The following NDP variants were observed in gnomAD, a reference collection of about 807,000 sequenced individuals.
The protein encoded by NDP is norrin.
In NDP, 2 loss-of-function variants were observed where a neutral mutation model predicts 8.4. That is an observed-to-expected ratio of 0.24 (90% confidence interval 0.10 to 0.75). NDP has a LOEUF of 0.75. Ranked by LOEUF, NDP falls within the 30% of genes least tolerant of loss-of-function variation. The pLI is 0.73. For missense variants in NDP, 81 were observed against 110.1 expected, an observed-to-expected ratio of 0.74 and a Z score of 1.18; for synonymous variants, 55 against 45.6, an observed-to-expected ratio of 1.21 and a Z score of -0.83.
chrX:43,950,440 G>A (rs1278714116), intron 2 of NDP, among the ~76,000 whole-genome samples: 1 of 59,365 alleles, frequency 1.7e-5, no homozygotes, highest in African/African-American at 6.6e-5. Context: ...AAACCAAGAA[G>A]TAAATTAAAA....
intron 1 of NDP, among the ~76,000 whole-genome samples, chrX:43,970,818 T>A (rs1307014461): frequency 8.9e-6 from 1 of 111,763 alleles, no homozygotes; most frequent in Non-Finnish European, 1.9e-5. Context: ...CCATCCCCAA[T>A]AGAGACAGCA....
At chrX:43,966,945 T>C (rs1441477585) in intron 1 of NDP, among the ~76,000 whole-genome samples, 1 of 111,907 alleles carries the variant, frequency 8.9e-6, no homozygotes, top group African/African-American at 3.3e-5. Flanking sequence ...CCCATTCAAT[T>C]TGCCTTTTCT....
intron 2 of NDP, among the ~76,000 whole-genome samples, chrX:43,957,214 C>T (rs17146752): frequency 0.017 from 1,882 of 111,400 alleles, 39 homozygotes; most frequent in African/African-American, 0.059. Context: ...TACATGGGCC[C>T]ACAATTTCTG....
intron 1 of NDP, among the ~76,000 whole-genome samples, chrX:43,971,694 A>T (rs1470102766): frequency 2.7e-5 from 3 of 112,134 alleles, no homozygotes; most frequent in Non-Finnish European, 5.6e-5. Flanking sequence ...AGTTTTTTTA[A>T]AAAAAAATTA....
chrX:43,953,998 A>T (rs747858568), intron 2 of NDP, among the ~76,000 whole-genome samples: 1 of 112,707 alleles, frequency 8.9e-6, no homozygotes, highest in East Asian at 2.8e-4. Flanking sequence ...TTGACTGACC[A>T]GATGTCACCA....
At chrX:43,956,489 TAA>T (rs1309900424) in intron 2 of NDP, among the ~76,000 whole-genome samples, 9 of 111,130 alleles carry the variant, frequency 8.1e-5, no homozygotes, top group Non-Finnish European at 1.7e-4. Flanking sequence ...ACAATTTCAT[TAA>T]GTGAGACCCA....
At chrX:43,952,064 A>G (rs1275824616) in intron 2 of NDP, among the ~76,000 whole-genome samples, 2 of 112,052 alleles carry the variant, frequency 1.8e-5, no homozygotes, top group African/African-American at 6.5e-5. Context: ...TGATCATAGC[A>G]CACTACAGCC....
At chrX:43,951,264 A>G (rs1422222071) in intron 2 of NDP, among the ~76,000 whole-genome samples, 1 of 109,108 alleles carries the variant, frequency 9.2e-6, no homozygotes, top group African/African-American at 3.4e-5. Flanking sequence ...AAAAATAAAA[A>G]GTTAACCAGG....
rs104894874 is a variant in NDP at position 43,958,521 on chromosome X, T to C, written c.125A>G (p.His42Arg). The change falls in exon 2 of 3, where the codon CAC becomes CGC. Residue 42 changes from histidine to arginine, a missense_variant. Physicochemically the swap from His to Arg is conservative, Grantham distance 29 (BLOSUM62 0). Coordinates refer to ENST00000642620, the MANE Select transcript of NDP (RefSeq NM_000266.4). ...MDSDPRRCMR[H>R]HYVDSISHPL... The stretch of plus-strand genomic sequence containing the variant: ...GTGACTGATAGAATCCACATAGTGG[T>C]GCCTCATGCAGCGTCGAGGGTCCGA... 1 of 1,211,996 alleles carries C rather than the reference T, an allele frequency of 8.3e-7. No homozygotes were observed. Among genetic ancestry groups the C allele is most frequent in the African/African-American group, 1.7e-5 (1 of 57,926 alleles).
chrX:43,969,204 C>A (rs1406226127), intron 1 of NDP, among the ~76,000 whole-genome samples: 2 of 112,233 alleles, frequency 1.8e-5, no homozygotes, highest in Non-Finnish European at 3.8e-5. Context: ...AAGCCCCATG[C>A]ATTTTTTAGT....
chrX:43,951,974 G>T (rs1359367381), intron 2 of NDP, among the ~76,000 whole-genome samples: 1 of 111,759 alleles, frequency 8.9e-6, no homozygotes, highest in Non-Finnish European at 1.9e-5. Flanking sequence ...AGAAATGATT[G>T]TTTGTTTGTT....
chrX:43,971,551 G>A (rs1005804743), intron 1 of NDP, among the ~76,000 whole-genome samples: 5 of 111,530 alleles, frequency 4.5e-5, no homozygotes, highest in African/African-American at 1.3e-4. Context: ...CAGTTCTCCC[G>A]TTACCTGAAC....
intron 1 of NDP, among the ~76,000 whole-genome samples, chrX:43,965,650 G>A (rs1321685511): frequency 9.0e-6 from 1 of 111,317 alleles, no homozygotes; most frequent in African/African-American, 3.3e-5. Flanking sequence ...CCACCCTCTT[G>A]CACCTTTCTT....
At chrX:43,952,837 G>A (rs1482768733) in intron 2 of NDP, among the ~76,000 whole-genome samples, 2 of 111,249 alleles carry the variant, frequency 1.8e-5, no homozygotes, top group Admixed American at 1.9e-4. Flanking sequence ...GAGGAGTCAA[G>A]GCCCTTCATG....
chrX:43,971,150 T>C (rs748399264), intron 1 of NDP, among the ~76,000 whole-genome samples: 28 of 112,502 alleles, frequency 2.5e-4, no homozygotes, highest in African/African-American at 7.4e-4. Flanking sequence ...AGATGGCATA[T>C]GGACTGAGAA....
chrX:43,965,891 A>C (rs5905580), intron 1 of NDP, among the ~76,000 whole-genome samples: 1 of 110,402 alleles, frequency 9.1e-6, no homozygotes, highest in East Asian at 2.9e-4. Context: ...CCCTGGGCTG[A>C]GACTTACGTC....
intron 1 of NDP, chrX:43,966,398 C>G (rs1419883557): frequency 3.6e-5 from 4 of 111,794 alleles, no homozygotes; most frequent in African/African-American, 1.3e-4. Context: ...ACTGCCCTTT[C>G]AATTTTTTCA....
chrX:43,950,980 G>A (rs745354119), intron 2 of NDP, among the ~76,000 whole-genome samples: 15 of 111,308 alleles, frequency 1.3e-4, no homozygotes, highest in African/African-American at 4.9e-4. Context: ...GTAATAGGTG[G>A]GTAGGGTGGG....
intron 2 of NDP, among the ~76,000 whole-genome samples, chrX:43,954,816 C>T (rs997346214): frequency 2.7e-5 from 3 of 111,078 alleles, no homozygotes; most frequent in Non-Finnish European, 3.8e-5. Context: ...CAGTTCCCCA[C>T]CTGCTCCTGT....
Sources: gnomAD v4.1 joint callset for allele counts (sites outside exome capture counted in the v4.1 genomes callset) on GRCh38, gnomAD v4.1.1 for gene constraint, MANE v1.5 for transcripts, NCBI Gene and HGNC (gene_info 2026-07-23, HGNC 2026-07-21) for gene names.